Variants in SYK observed in about 807,000 individuals in gnomAD.
SYK encodes spleen associated tyrosine kinase, also known as tyrosine-protein kinase SYK.
Under a neutral mutation model 77.8 loss-of-function variants are expected in SYK, and 16 were observed. The observed-to-expected ratio is 0.21, with a 90% confidence interval of 0.14 to 0.31. The LOEUF is 0.31. Ranked by LOEUF, SYK falls within the 10% of genes least tolerant of loss-of-function variation. The probability of loss-of-function intolerance (pLI) is 1.00; values close to 1 mark genes in which losing one functional copy is unlikely to be tolerated. For missense variants in SYK, 529 were observed against 814.4 expected, an observed-to-expected ratio of 0.65 and a Z score of 4.26; for synonymous variants, 312 against 308.7, an observed-to-expected ratio of 1.01 and a Z score of -0.11.
At chr9:90,805,223 A>G (rs1204856757) in intron 1 of SYK, among the ~76,000 whole-genome samples, 1 of 152,222 alleles carries the variant, frequency 6.6e-6, no homozygotes, top group Admixed American at 6.5e-5. Flanking sequence ...GTTGATGATT[A>G]CTGGATTACT....
In SYK at chr9:90,846,086, T is replaced by TGA. The variant is rs1168038933; in HGVS notation, c.578+492_578+493insGA. On this transcript the variant is annotated intron_variant, in intron 3 of 13. Transcript: ENST00000375754. ...AGTGCAGGTTTGAAGACTTCAGCCT[T>TGA]AGGCCCACAGTCATTAGAGGGTCTG... Among the ~76,000 whole-genome samples the TGA allele has an allele frequency of 6.1e-4, 93 of 152,356 alleles. No individual in the cohort carries two copies. In the Middle Eastern group the frequency reaches 0.014, roughly 22 times the overall value.
At chr9:90,851,490 T>C (rs980812002) in intron 3 of SYK, among the ~76,000 whole-genome samples, 3 of 152,166 alleles carry the variant, frequency 2.0e-5, no homozygotes, top group Admixed American at 6.5e-5. Flanking sequence ...CTGGAGGTGA[T>C]GTTCATCACC....
chr9:90,819,361 A>G (rs1825421437), intron 1 of SYK, among the ~76,000 whole-genome samples: 1 of 152,236 alleles, frequency 6.6e-6, no homozygotes, highest in South Asian at 2.1e-4. Flanking sequence ...ATTTGAGGTC[A>G]TACACACAGT....
At chr9:90,858,563 A>G (rs1270559928) in intron 3 of SYK, among the ~76,000 whole-genome samples, 3 of 152,244 alleles carry the variant, frequency 2.0e-5, no homozygotes, top group African/African-American at 7.2e-5. Context: ...CTGTAGAGCC[A>G]TAAGCCTGGG....
intron 11 of SYK, among the ~76,000 whole-genome samples, chr9:90,879,347 G>C (rs1828062112): frequency 6.6e-6 from 1 of 152,188 alleles, no homozygotes; most frequent in Admixed American, 6.5e-5. Flanking sequence ...TCAGTAGAGG[G>C]TTTACTGCAC....
chr9:90,816,423 T>A (rs142529299), intron 1 of SYK, among the ~76,000 whole-genome samples: 1 of 152,222 alleles, frequency 6.6e-6, no homozygotes. Context: ...ATGCCTCTGG[T>A]TGGACACGTC....
intron 3 of SYK, among the ~76,000 whole-genome samples, chr9:90,860,016 T>A (rs577279693): frequency 2.0e-5 from 3 of 152,270 alleles, no homozygotes; most frequent in Admixed American, 2.0e-4. Flanking sequence ...AGAGATGGCG[T>A]CTCACTCTGT....
At chr9:90,867,059 C>A in intron 6 of SYK, 72 bp from the exon 7 acceptor site, 1 of 1,553,860 alleles carries the variant, frequency 6.4e-7, no homozygotes, top group Non-Finnish European at 8.9e-7. Flanking sequence ...ATTTAAGTAG[C>A]ATGTCGTGGA....
chr9:90,820,001 A>C (rs1825448919), intron 1 of SYK, among the ~76,000 whole-genome samples: 3 of 152,228 alleles, frequency 2.0e-5, no homozygotes, highest in Admixed American at 2.0e-4. Context: ...TACAGGGCCA[A>C]TGCAAGCTGA....
chr9:90,866,000 G>A (rs531444103), intron 6 of SYK, among the ~76,000 whole-genome samples: 2 of 139,998 alleles, frequency 1.4e-5, no homozygotes, highest in Admixed American at 7.9e-5. Context: ...CCGGGTTCAC[G>A]CCATTCTCCT....
chr9:90,833,916 A>C lies in SYK; in HGVS notation c.-41-9942A>C, dbSNP rs956504965. ...TGGAAGACATGAGGATGCTAGTGGG[A>C]TATGATGGGCTCATCCATTTCTGCA... On this transcript the variant is annotated intron_variant, in intron 1 of 13. Transcript: ENST00000375754. Among the ~76,000 whole-genome samples the C allele has an allele frequency of 3.9e-4, 59 of 152,232 alleles. 2 individuals carry two copies. The highest frequency in any genetic ancestry group is 2.9e-5 in the Non-Finnish European group (2 of 68,042).
At chr9:90,849,644 C>T (rs1040669252) in intron 3 of SYK, among the ~76,000 whole-genome samples, 10 of 152,172 alleles carry the variant, frequency 6.6e-5, no homozygotes, top group East Asian at 1.9e-4. Flanking sequence ...CATGACACTG[C>T]GCACTCTATG....
chr9:90,877,517 T>C (rs1013989870), intron 9 of SYK, 54 bp from the exon 10 acceptor site: 3 of 1,584,958 alleles, frequency 1.9e-6, no homozygotes, highest in Non-Finnish European at 1.7e-6. Context: ...GATAAGATTA[T>C]CTAGAAGTGA....
chr9:90,839,368 G>A (rs934810683), intron 1 of SYK, among the ~76,000 whole-genome samples: 11 of 152,094 alleles, frequency 7.2e-5, no homozygotes, highest in East Asian at 3.9e-4. Context: ...CAGCCACATC[G>A]GTGCTGACAC....
At chr9:90,849,088 C>T (rs769849361) in intron 3 of SYK, among the ~76,000 whole-genome samples, 8 of 152,180 alleles carry the variant, frequency 5.3e-5, no homozygotes, top group East Asian at 1.9e-4. Flanking sequence ...AGAGCACTCA[C>T]GGCACTGGGA....
chr9:90,815,571 A>G (rs1046275917), intron 1 of SYK, among the ~76,000 whole-genome samples: 12 of 152,206 alleles, frequency 7.9e-5, no homozygotes, highest in Non-Finnish European at 1.6e-4. Flanking sequence ...CTGCCCTCCT[A>G]GGGGAGCTTC....
chr9:90,846,010 A>G (rs1285954533), intron 3 of SYK, among the ~76,000 whole-genome samples: 1 of 152,252 alleles, frequency 6.6e-6, no homozygotes, highest in Non-Finnish European at 1.5e-5. Context: ...CAAGATGCCA[A>G]CAGGAAAGAT....
rs773802070 is a variant in SYK, at chr9:90,843,873, G to C, written c.-26G>C. 3 of 1,486,538 alleles carry C rather than the reference G, an allele frequency of 2.0e-6. No homozygotes were observed. The Admixed American group carries it at 6.9e-5, about 34-fold the overall frequency. 92.1% of individuals were successfully genotyped at this position (1,486,538 alleles called of 1,614,324 possible). ...TCTTGCCCAGGTGGACACCTGCGCA[G>C]GTGTGTGCCCTCCGGCCCCTGAAGC... is the stretch of plus-strand genomic sequence containing the variant. On this transcript the variant is annotated 5_prime_UTR_variant, in exon 2 of 14. Coordinates refer to ENST00000375754, the MANE Select transcript of SYK (RefSeq NM_003177.7).
At chr9:90,816,966 A>G (rs555766971) in intron 1 of SYK, among the ~76,000 whole-genome samples, 1 of 152,338 alleles carries the variant, frequency 6.6e-6, no homozygotes, top group South Asian at 2.1e-4. Context: ...TTGATTTTGT[A>G]TCTTGGCTAT....
Sources: gnomAD v4.1 joint callset for allele counts (sites outside exome capture counted in the v4.1 genomes callset) on GRCh38, gnomAD v4.1.1 for gene constraint, MANE v1.5 for transcripts, NCBI Gene and HGNC (gene_info 2026-07-23, HGNC 2026-07-21) for gene names.